Variants in TACC1 observed in about 807,000 individuals in gnomAD.
TACC1 encodes the protein transforming acidic coiled-coil-containing protein 1.
Under a neutral mutation model 84.4 loss-of-function variants are expected in TACC1, and 48 were observed. The observed-to-expected ratio is 0.57, with a 90% CI of 0.45 to 0.72. The LOEUF (loss-of-function observed/expected upper bound fraction) is 0.72, where lower values mean the gene tolerates loss of function less well. TACC1 is among the 30% of genes least tolerant of loss of function. The pLI, the probability that TACC1 is intolerant of heterozygous loss-of-function variation, is 0.00. For synonymous variants in TACC1, 372 were observed against 376.3 expected (o/e 0.99, Z 0.13); for missense variants, 920 against 973.0 (o/e 0.95, Z 0.72).
chr8:38,747,003 A>G lies in TACC1; in HGVS notation c.26+1510A>G, dbSNP rs145412791. ...GAACATTTATGAGCTAAACACTCCA[A>G]TTAAAAGACAGAGATTAATAATTGT... On this transcript the variant is annotated intron_variant, in intron 3 of 14. Coordinates refer to the TACC1 transcript ENST00000518415. Among the ~76,000 whole-genome samples the G allele has an allele frequency of 2.3e-3, 351 of 152,364 alleles. 1 individual carries two copies. The highest frequency in any genetic ancestry group is 8.1e-3 in the African/African-American group (337 of 41,592).
intron 4 of TACC1, among the ~76,000 whole-genome samples, chr8:38,825,872 C>A (rs1288712788): frequency 6.6e-6 from 1 of 152,094 alleles, no homozygotes; most frequent in African/African-American, 2.4e-5. Flanking sequence ...TGTTACAGAA[C>A]TACTTTCTGT....
rs1021375326 is a variant in TACC1 at position 38,850,966 on chromosome 8, A to C, written c.*2943A>C. 6.6e-6 allele frequency: 1 copy of C among 152,530 alleles called. No homozygotes were observed. The highest frequency in any genetic ancestry group is 2.4e-5 in the African/African-American group (1 of 41,346). 9.4% of individuals were successfully genotyped at this position (152,530 alleles called of 1,614,324 possible). On this transcript the variant is annotated 3_prime_UTR_variant, in exon 13 of 13. Transcript: ENST00000317827. ...AGCAGTATTTTAAGTGGGGAATGCA[A>C]CGTGAGGCCAACTGAACAATTCCCC... is the stretch of plus-strand genomic sequence containing the variant.
chr8:38,756,103 C>G (rs1052939515), intron 3 of TACC1, among the ~76,000 whole-genome samples: 2 of 151,798 alleles, frequency 1.3e-5, no homozygotes, highest in Non-Finnish European at 2.9e-5. Flanking sequence ...TGTGAGCCAC[C>G]GCGCCCGGCC....
chr8:38,754,925 G>A lies in TACC1; in HGVS notation c.26+9432G>A, dbSNP rs185867779. ...CGCCTGTAATCCCAGCACTTCGGGAGGCCGAGGCAGGCGGATCACAAGGAC... is the reference window on the plus strand; with the variant it reads ...CGCCTGTAATCCCAGCACTTCGGGAAGCCGAGGCAGGCGGATCACAAGGAC... On this transcript the variant is annotated intron_variant, in intron 3 of 14. Coordinates refer to the TACC1 transcript ENST00000518415. Among the ~76,000 whole-genome samples, 669 of 152,320 alleles carry A rather than the reference G, an allele frequency of 4.4e-3. 1 individual carries two copies. The highest frequency in any genetic ancestry group is 0.015 in the African/African-American group (629 of 41,568).
chr8:38,799,476 T>G (rs1486439250), intron 2 of TACC1, among the ~76,000 whole-genome samples: 1 of 152,190 alleles, frequency 6.6e-6, no homozygotes, highest in Non-Finnish European at 1.5e-5. Flanking sequence ...TTCCCAGACC[T>G]CTTGGCCGCC....
intron 2 of TACC1, among the ~76,000 whole-genome samples, chr8:38,808,451 T>A (rs1409255656): frequency 6.6e-6 from 1 of 152,252 alleles, no homozygotes; most frequent in Non-Finnish European, 1.5e-5. Context: ...CTTGCTCTGT[T>A]GTCCAGGCTG....
At chr8:38,743,880 C>T (rs10958809) in intron 2 of TACC1, 27,852 of 152,060 alleles carry the variant, frequency 0.18, 2,679 homozygotes, top group Non-Finnish European at 0.2. Context: ...GAGTGATACC[C>T]TGTTAAAACA....
In TACC1 at chr8:38,842,386, C is replaced by T; in HGVS notation, c.2060C>T (p.Ser687Phe). The T allele has an allele frequency of 6.2e-7, 1 of 1,614,192 alleles. No homozygotes were observed. Among genetic ancestry groups the T allele is most frequent in the East Asian group, 2.2e-5 (1 of 44,884 alleles). The change falls in exon 10 of 13, where the codon TCC becomes TTC. Residue 687 changes from serine (S) to phenylalanine (F), a missense_variant. Transcript: ENST00000317827. ...GCTGACCTTAACTCTGTGGAAAGGT[C>T]CCTTTCTGATCTCTTCAGGAGATAT... ...ALADLNSVER[S>F]LSDLFRRYEN...
chr8:38,783,088 ATCTATCTATCTATCTATC>A (rs1457649188), upstream of TACC1, among the ~76,000 whole-genome samples: 3 of 109,822 alleles, frequency 2.7e-5, no homozygotes, highest in African/African-American at 4.8e-5. Context: ...CTATCTATCT[ATCTATCTATCTATCTATC>A]TATATATATA....
intron 2 of TACC1, among the ~76,000 whole-genome samples, chr8:38,791,230 C>T (rs1159492215): frequency 6.6e-6 from 1 of 151,866 alleles, no homozygotes; most frequent in African/African-American, 2.4e-5. Flanking sequence ...TTGGTCCTTC[C>T]TGTACCAGTG....
intron 2 of TACC1, among the ~76,000 whole-genome samples, chr8:38,744,297 G>A (rs531696516): frequency 2.4e-4 from 37 of 151,982 alleles, no homozygotes; most frequent in African/African-American, 7.5e-4. Context: ...TGTATTTTTA[G>A]TAGAGACGGG....
intron 4 of TACC1, among the ~76,000 whole-genome samples, chr8:38,826,147 C>T (rs1827991741): frequency 6.6e-6 from 1 of 152,040 alleles, no homozygotes; most frequent in South Asian, 2.1e-4. Context: ...CATAACTTTT[C>T]CTCTACAATT....
At chr8:38,831,512 A>AT (rs1396488873) in intron 6 of TACC1, among the ~76,000 whole-genome samples, 19 of 152,024 alleles carry the variant, frequency 1.2e-4, no homozygotes, top group African/African-American at 4.1e-4. Flanking sequence ...TATTATTATT[A>AT]TTTGAGACAG....
chr8:38,752,295 C>T (rs958621964), intron 3 of TACC1, among the ~76,000 whole-genome samples: 2 of 152,082 alleles, frequency 1.3e-5, no homozygotes, highest in Non-Finnish European at 2.9e-5. Flanking sequence ...CACAGTGAGA[C>T]CCCGTCTCTA....
chr8:38,752,532 A>G (rs550607958), intron 3 of TACC1, among the ~76,000 whole-genome samples: 1 of 152,076 alleles, frequency 6.6e-6, no homozygotes, highest in East Asian at 1.9e-4. Flanking sequence ...ACAACAAAAA[A>G]AACCTTCTTG....
In TACC1 at chr8:38,811,701, C is replaced by T. The variant is rs553370358; in HGVS notation, c.278-7821C>T. Among the ~76,000 whole-genome samples the T allele has an allele frequency of 2.0e-5, 3 of 152,230 alleles. No individual in the cohort carries two copies. The East Asian group carries it at 5.8e-4, about 29-fold the overall frequency. On this transcript the variant is annotated intron_variant, in intron 2 of 12. Transcript: ENST00000317827. ...GCTGAGGATGTATATCACGTCAGGA[C>T]CACTATTGTACAAATTGATTGTGAA...
At chr8:38,835,436 C>T (rs949638585) in intron 6 of TACC1, among the ~76,000 whole-genome samples, 91 of 152,250 alleles carry the variant, frequency 6.0e-4, no homozygotes, top group Admixed American at 3.3e-4. Flanking sequence ...CCTCAGAGGG[C>T]GAAGTGCTGC....
At chr8:38,771,784 G>A (rs1330047008) in intron 3 of TACC1, among the ~76,000 whole-genome samples, 2 of 152,178 alleles carry the variant, frequency 1.3e-5, no homozygotes, top group Admixed American at 6.5e-5. Context: ...TGCATGGGCT[G>A]TAGTACAGTG....
chr8:38,828,607 T>C (rs1828619230), intron 5 of TACC1, among the ~76,000 whole-genome samples: 2 of 152,140 alleles, frequency 1.3e-5, no homozygotes. Context: ...GATAAGGACA[T>C]TGTTTTTCTC....
Sources: allele counts gnomAD v4.1 joint callset (sites outside exome capture counted in the v4.1 genomes callset), GRCh38; gene constraint gnomAD v4.1.1; transcripts MANE v1.5; gene names NCBI Gene and HGNC (gene_info 2026-07-23, HGNC 2026-07-21).